The following HOATZ variants were observed in gnomAD, a reference collection of about 807,000 sequenced individuals.
The protein encoded by HOATZ is HOATZ cilia and flagella associated protein.
In HOATZ, 26 loss-of-function variants were observed where a neutral mutation model predicts 24.9. The ratio of observed to expected loss-of-function variants is 1.04; its 90% CI spans 0.76 to 1.45. The LOEUF is 1.45. Ranked by LOEUF, HOATZ falls within the 40% of genes most tolerant of loss-of-function variation. The probability of loss-of-function intolerance (pLI) is 0.00; values close to 1 mark genes in which losing one functional copy is unlikely to be tolerated. For synonymous variants in HOATZ, 83 were observed against 76.6 expected, an observed-to-expected ratio of 1.08 and a Z score of -0.43; for missense variants, 226 against 201.5, an observed-to-expected ratio of 1.12 and a Z score of -0.74.
At position 111,521,488 on chromosome 11, in the gene HOATZ, A is replaced by C. The variant is rs79772159; in HGVS notation, c.339+5378A>C. On this transcript the variant is annotated intron_variant, in intron 3 of 5. Coordinates refer to ENST00000375618, the MANE Select transcript of HOATZ (RefSeq NM_001100388.2). ...AAAATGATAGGGATTGGCTTCCGAG[A>C]CAAACCTAAAATTTCCCAGTAAGTG... Among the ~76,000 whole-genome samples, 1,394 of 152,306 alleles carry C rather than the reference A, an allele frequency of 9.2e-3. 22 individuals carry two copies. Among genetic ancestry groups the C allele is most frequent in the African/African-American group, 0.031 (1,284 of 41,562 alleles).
At chr11:111,534,360 A>C in intron 4 of HOATZ, 52 bp from the exon 5 acceptor site, 2 of 1,273,566 alleles carry the variant, frequency 1.6e-6, no homozygotes, top group South Asian at 1.2e-5. Flanking sequence ...AATTCCAATC[A>C]GTGCAAGAAG....
intron 3 of HOATZ, among the ~76,000 whole-genome samples, chr11:111,524,401 A>G (rs1359309827): frequency 6.6e-6 from 1 of 152,256 alleles, no homozygotes; most frequent in Non-Finnish European, 1.5e-5. Context: ...GCCAAGGTTT[A>G]ACAGCATGTA....
intron 5 of HOATZ, chr11:111,534,709 C>A: frequency 2.1e-6 from 1 of 477,634 alleles, no homozygotes; most frequent in South Asian, 2.8e-5. Flanking sequence ...AGCCTTGAAG[C>A]TCTGTGCACA....
At chr11:111,519,637 C>T (rs1166555304) in intron 3 of HOATZ, among the ~76,000 whole-genome samples, 1 of 152,106 alleles carries the variant, frequency 6.6e-6, no homozygotes, top group Admixed American at 6.6e-5. Flanking sequence ...GAATTTTTAG[C>T]TTGATGTTAG....
intron 3 of HOATZ, among the ~76,000 whole-genome samples, chr11:111,527,692 T>G (rs1867354302): frequency 6.6e-6 from 1 of 152,220 alleles, no homozygotes; most frequent in Non-Finnish European, 1.5e-5. Flanking sequence ...ATTTCCTATA[T>G]GGTAGTTGTA....
chr11:111,518,045 C>T (rs1418127144), intron 3 of HOATZ, among the ~76,000 whole-genome samples: 2 of 152,156 alleles, frequency 1.3e-5, no homozygotes, highest in Non-Finnish European at 2.9e-5. Flanking sequence ...CTCAACCATG[C>T]AGGCCAAGGA....
chr11:111,532,409 A>G (rs977364818), intron 3 of HOATZ, among the ~76,000 whole-genome samples: 7 of 152,232 alleles, frequency 4.6e-5, no homozygotes, highest in African/African-American at 1.7e-4. Flanking sequence ...ATGAGGCCAT[A>G]GTGGAGTAGG....
At chr11:111,530,437 T>C (rs1177888860) in intron 3 of HOATZ, among the ~76,000 whole-genome samples, 2 of 152,230 alleles carry the variant, frequency 1.3e-5, no homozygotes, top group Non-Finnish European at 2.9e-5. Flanking sequence ...AATTTAACTC[T>C]TGAGGTGACA....
chr11:111,524,397 G>T (rs974340965), intron 3 of HOATZ, among the ~76,000 whole-genome samples: 1 of 152,206 alleles, frequency 6.6e-6, no homozygotes, highest in Non-Finnish European at 1.5e-5. Context: ...TTATGCCAAG[G>T]TTTAACAGCA....
At chr11:111,519,985 C>T (rs976647133) in intron 3 of HOATZ, among the ~76,000 whole-genome samples, 4 of 152,266 alleles carry the variant, frequency 2.6e-5, no homozygotes, top group African/African-American at 9.6e-5. Flanking sequence ...ATAACAAATG[C>T]TTTTGGTTAG....
intron 4 of HOATZ, among the ~76,000 whole-genome samples, 169 bp downstream of exon 4, chr11:111,533,974 G>A (rs1428016544): frequency 6.6e-6 from 1 of 152,140 alleles, no homozygotes; most frequent in Admixed American, 6.5e-5. Context: ...GGCAACCCTT[G>A]ATCAATCAAA....
rs562963838 is a variant in HOATZ at position 111,533,432 on chromosome 11, G to GT, written c.340-304dup. ...TGTGGTAAGGTCTTAATAAATATTAGTTTTTTTTTTAAGTTAGTTTTTATT... is the reference window on the plus strand; with the variant it reads ...TGTGGTAAGGTCTTAATAAATATTAGTTTTTTTTTTTAAGTTAGTTTTTATT... On this transcript the variant is annotated intron_variant, in intron 3 of 5. Transcript: ENST00000375618. Among the ~76,000 whole-genome samples, 530 of 149,262 alleles carry GT rather than the reference G, an allele frequency of 3.6e-3. 1 individual carries two copies. The highest frequency in any genetic ancestry group is 0.01 in the African/African-American group (422 of 40,756).
intron 3 of HOATZ, among the ~76,000 whole-genome samples, chr11:111,523,204 ACTT>A (rs1867290516): frequency 8.6e-6 from 1 of 116,096 alleles, no homozygotes; most frequent in African/African-American, 3.5e-5. Flanking sequence ...CTAAGTGTTC[ACTT>A]TTTTTTTTTT....
At chr11:111,524,527 CAG>C (rs1230485939) in intron 3 of HOATZ, among the ~76,000 whole-genome samples, 3 of 152,136 alleles carry the variant, frequency 2.0e-5, no homozygotes, top group African/African-American at 4.8e-5. Flanking sequence ...GAATTGGACA[CAG>C]GGGACAAGAT....
chr11:111,523,017 G>A (rs960326777), intron 3 of HOATZ, among the ~76,000 whole-genome samples: 1 of 152,088 alleles, frequency 6.6e-6, no homozygotes, highest in East Asian at 1.9e-4. Context: ...CCTGGGAGGC[G>A]GAGGTTGCAG....
chr11:111,531,556 A>C (rs936876044), intron 3 of HOATZ, among the ~76,000 whole-genome samples: 2 of 152,238 alleles, frequency 1.3e-5, no homozygotes, highest in Non-Finnish European at 2.9e-5. Context: ...GAATACCTGC[A>C]TTGAAAATAT....
intron 3 of HOATZ, among the ~76,000 whole-genome samples, chr11:111,531,741 G>A (rs1485192493): frequency 6.6e-6 from 1 of 152,116 alleles, no homozygotes; most frequent in East Asian, 1.9e-4. Context: ...AAACTTTGTA[G>A]GCTTATAAAA....
intron 3 of HOATZ, among the ~76,000 whole-genome samples, chr11:111,528,364 G>A (rs2135780201): frequency 6.6e-6 from 1 of 152,042 alleles, no homozygotes; most frequent in African/African-American, 2.4e-5. Flanking sequence ...AAATTCTGGA[G>A]GCTCAAGGAA....
At chr11:111,531,085 T>C (rs557573020) in intron 3 of HOATZ, among the ~76,000 whole-genome samples, 1 of 152,372 alleles carries the variant, frequency 6.6e-6, no homozygotes, top group South Asian at 2.1e-4. Flanking sequence ...TGTAACTAAA[T>C]ATTTGTCTTT....
Sources: gnomAD v4.1 joint callset for allele counts (sites outside exome capture counted in the v4.1 genomes callset) on GRCh38, gnomAD v4.1.1 for gene constraint, MANE v1.5 for transcripts, NCBI Gene and HGNC (gene_info 2026-07-23, HGNC 2026-07-21) for gene names.